The following TG variants were observed in gnomAD, a reference collection of about 807,000 sequenced individuals.
TG encodes thyroglobulin.
TG carries 270 observed loss-of-function variants against 324.7 expected under a neutral mutation model. The ratio of observed to expected loss-of-function variants is 0.83; its 90% CI spans 0.75 to 0.92. The LOEUF is 0.92. Among genes scored for constraint, TG ranks in the 40% least tolerant of loss-of-function variants. The pLI, the probability that TG is intolerant of heterozygous loss-of-function variation, is 0.00. For synonymous variants in TG, 1,401 were observed against 1,327.0 expected (o/e 1.06, Z -1.21); for missense variants, 3,591 against 3,456.4 (o/e 1.04, Z -0.98).
intron 35 of TG, chr8:133,002,889 G>A (rs1587734125): frequency 2.0e-5 from 9 of 445,658 alleles, no homozygotes; most frequent in South Asian, 1.4e-4. Flanking sequence ...CATTGTAAAC[G>A]CTTCCAGTTT....
rs1829148263 is a variant in TG at position 132,969,447 on chromosome 8, C to T, written c.5864-11C>T. The T allele has an allele frequency of 3.2e-6, 5 of 1,583,524 alleles. No individual in the cohort carries two copies. The highest frequency in any genetic ancestry group is 1.1e-5 in the South Asian group (1 of 90,480). ...CTCTAAGTAATGTATTTTCTTTCTT[C>T]CTCTATGAAGTTATACTGGAAGATA... On this transcript the variant is annotated splice_polypyrimidine_tract_variant and intron_variant, in intron 31 of 47. Coordinates refer to ENST00000220616, the MANE Select transcript of TG (RefSeq NM_003235.5).
intron 41 of TG, among the ~76,000 whole-genome samples, chr8:133,059,798 A>G (rs909988048): frequency 2.0e-5 from 3 of 152,182 alleles, no homozygotes; most frequent in Non-Finnish European, 4.4e-5. Context: ...TGTGGATCCC[A>G]TTCCCTTTGT....
At chr8:132,957,342 G>T (rs958629463) in intron 27 of TG, among the ~76,000 whole-genome samples, 2 of 152,166 alleles carry the variant, frequency 1.3e-5, no homozygotes, top group Admixed American at 1.3e-4. Context: ...TCCCAGGCTG[G>T]CAGACCCAGG....
chr8:132,941,320 CT>C, intron 25 of TG, 30 bp from the exon 26 acceptor site: 1 of 1,614,008 alleles, frequency 6.2e-7, no homozygotes, highest in South Asian at 1.1e-5. Context: ...GTTTTGAGGT[CT>C]TTTAAAATTT....
chr8:132,883,297 A>G (rs1183877770), intron 8 of TG: 1 of 391,958 alleles, frequency 2.6e-6, no homozygotes, highest in African/African-American at 2.0e-5. Flanking sequence ...CATGCACATA[A>G]CTAAAGGAGC....
At position 132,963,590 on chromosome 8, in the gene TG, A is replaced by G. The variant is rs1828071433; in HGVS notation, c.5548+516A>G. On this transcript the variant is annotated intron_variant, in intron 29 of 47. Coordinates refer to ENST00000220616, the MANE Select transcript of TG (RefSeq NM_003235.5). The stretch of plus-strand genomic sequence containing the variant: ...ATTATTATTACTGAGGTGGAGCTGA[A>G]ACTCAGAGAGAGAGGGAGATCAGCT... Among the ~76,000 whole-genome samples, 2 of 152,078 alleles carry G rather than the reference A, an allele frequency of 1.3e-5. 1 individual carries two copies. The highest frequency in any genetic ancestry group is 6.3e-3 in the Middle Eastern group (2 of 316).
chr8:133,016,279 T>G (rs1053704015), intron 37 of TG, among the ~76,000 whole-genome samples: 11 of 152,238 alleles, frequency 7.2e-5, no homozygotes, highest in Admixed American at 1.3e-4. Flanking sequence ...CATTTGGGGC[T>G]GGAGTATTCT....
chr8:132,869,956 T>G (rs1468474070), intron 3 of TG, 130 bp downstream of exon 3: 4 of 736,620 alleles, frequency 5.4e-6, no homozygotes, highest in Non-Finnish European at 9.1e-6. Flanking sequence ...CCTCTGTGAA[T>G]AAGAATCATC....
intron 43 of TG, among the ~76,000 whole-genome samples, chr8:133,110,102 C>T (rs1850139182): frequency 6.6e-6 from 1 of 152,146 alleles, no homozygotes; most frequent in Non-Finnish European, 1.5e-5. Context: ...TTATGCCTGC[C>T]ACGTAGCAAA....
At chr8:133,086,894 C>A (rs1177364906) in intron 41 of TG, among the ~76,000 whole-genome samples, 1 of 152,148 alleles carries the variant, frequency 6.6e-6, no homozygotes, top group Non-Finnish European at 1.5e-5. Context: ...GTGCCCCTAA[C>A]CTGTCTATAA....
Position 132,912,251 on chromosome 8 carries a change from T to C in TG, c.4159+718T>C, listed in dbSNP as rs140874590. Among the ~76,000 whole-genome samples the C allele has an allele frequency of 1.2e-4, 19 of 152,344 alleles. No individual in the cohort carries two copies. The East Asian group carries it at 3.7e-3, about 29-fold the overall frequency. On this transcript the variant is annotated intron_variant, in intron 19 of 47. Coordinates refer to ENST00000220616, the MANE Select transcript of TG (RefSeq NM_003235.5). ...AATAATTCAGAAGAATTGTGAATTC[T>C]CCAGGAGCCCCAGCATTGTGAATTA... is the stretch of plus-strand genomic sequence containing the variant.
chr8:133,072,235 G>T (rs983519018), intron 41 of TG, among the ~76,000 whole-genome samples: 1 of 152,188 alleles, frequency 6.6e-6, no homozygotes, highest in Non-Finnish European at 1.5e-5. Flanking sequence ...GAACCACTGA[G>T]CCCCCAACCC....
intron 14 of TG, among the ~76,000 whole-genome samples, 165 bp from the exon 15 acceptor site, chr8:132,900,072 A>T (rs1221333952): frequency 1.3e-5 from 2 of 152,174 alleles, no homozygotes; most frequent in African/African-American, 2.4e-5. Context: ...GATGCACGTA[A>T]AGGGCTGGGA....
chr8:133,023,620 C>T (rs913796251), intron 40 of TG, among the ~76,000 whole-genome samples: 1 of 152,206 alleles, frequency 6.6e-6, no homozygotes, highest in African/African-American at 2.4e-5. Context: ...GAACACAAGA[C>T]TGACCATAAT....
intron 14 of TG, 76 bp downstream of exon 14, chr8:132,898,986 T>C: frequency 7.9e-7 from 1 of 1,264,314 alleles, no homozygotes; most frequent in Non-Finnish European, 1.1e-6. Context: ...TTTTGTTCAA[T>C]ACGTTCAGCT....
intron 35 of TG, among the ~76,000 whole-genome samples, chr8:132,985,881 T>C (rs939522966): frequency 2.0e-5 from 3 of 152,150 alleles, no homozygotes; most frequent in Non-Finnish European, 4.4e-5. Context: ...TTTCCTTTTT[T>C]CCTTGTTCTT....
intron 34 of TG, among the ~76,000 whole-genome samples, chr8:132,977,528 G>T (rs992047940): frequency 6.6e-6 from 1 of 152,058 alleles, no homozygotes; most frequent in Non-Finnish European, 1.5e-5. Flanking sequence ...AAAGAAAGAG[G>T]TTTAACTGGA....
chr8:132,901,543 C>T lies in TG; in HGVS notation c.3624C>T (p.Pro1208=), dbSNP rs573270455. The T allele has an allele frequency of 1.2e-5, 19 of 1,613,050 alleles. No homozygotes were observed. Among genetic ancestry groups the T allele is most frequent in the African/African-American group, 8.0e-5 (6 of 75,014 alleles). ...GGACGCGCGTGACCGGGGGCCAGCCCGCCTGTGAGAGTAAGTCATGACCCC... is the reference window on the plus strand; with the variant it reads ...GGACGCGCGTGACCGGGGGCCAGCCTGCCTGTGAGAGTAAGTCATGACCCC... ...VPGTRVTGGQ[P]ACESPRCPLP... The change falls in exon 16 of 48, where the codon CCC becomes CCT. Residue 1208 remains proline, a synonymous_variant. Transcript: ENST00000220616.
At chr8:132,974,121 G>A (rs966856118) in intron 34 of TG, among the ~76,000 whole-genome samples, 3 of 150,438 alleles carry the variant, frequency 2.0e-5, no homozygotes, top group Non-Finnish European at 4.4e-5. Context: ...AGCCTCCCAA[G>A]TAGCTGGGAT....
Sources: gnomAD v4.1 joint callset for allele counts (sites outside exome capture counted in the v4.1 genomes callset) on GRCh38, gnomAD v4.1.1 for gene constraint, MANE v1.5 for transcripts, NCBI Gene and HGNC (gene_info 2026-07-23, HGNC 2026-07-21) for gene names.